The following ARID3A variants were observed in gnomAD, a reference collection of about 807,000 sequenced individuals.
The protein encoded by ARID3A is AT-rich interaction domain 3A.
In ARID3A, 11 loss-of-function variants were observed where a neutral mutation model predicts 52.7. That is an observed-to-expected ratio of 0.21 (90% CI 0.13 to 0.35). The LOEUF is 0.35. Ranked by LOEUF, ARID3A falls within the 10% of genes least tolerant of loss-of-function variation. The probability of loss-of-function intolerance (pLI) is 1.00; values close to 1 mark genes in which losing one functional copy is unlikely to be tolerated. For missense variants in ARID3A, 721 were observed against 838.5 expected (o/e 0.86, Z 1.73); for synonymous variants, 404 against 359.4 (o/e 1.12, Z -1.40).
At chr19:969,983 G>A (rs1206827645) in intron 8 of ARID3A, among the ~76,000 whole-genome samples, 6 of 151,654 alleles carry the variant, frequency 4.0e-5, no homozygotes, top group East Asian at 2.0e-4. Flanking sequence ...ATGAACCACC[G>A]CGCCCACCCT....
upstream of ARID3A, chr19:925,818 G>A (rs2037183393): frequency 6.6e-6 from 1 of 152,250 alleles, no homozygotes; most frequent in Middle Eastern, 3.4e-3. Context: ...CTGGTTGCGC[G>A]TCGTCAGACC....
intron 3 of ARID3A, among the ~76,000 whole-genome samples, chr19:937,901 G>T (rs936967776): frequency 3.3e-5 from 5 of 151,764 alleles, no homozygotes; most frequent in Non-Finnish European, 7.4e-5. Flanking sequence ...GTAGAGATGG[G>T]GTTTCACCGT....
At chr19:939,632 G>A (rs1398600508) in intron 3 of ARID3A, among the ~76,000 whole-genome samples, 4 of 152,074 alleles carry the variant, frequency 2.6e-5, no homozygotes, top group Admixed American at 6.6e-5. Context: ...GGTTCCTCCC[G>A]CCGCTGCCTT....
rs1423449312 is a variant in ARID3A, at chr19:974,874, G to T, written c.*2809G>T. The T allele has an allele frequency of 1.1e-5, 2 of 179,500 alleles. No homozygotes were observed. Among genetic ancestry groups the T allele is most frequent in the Admixed American group, 6.3e-5 (1 of 15,824 alleles). The allele number at this position is 179,500 out of a possible 1,614,324, so 11.1% of individuals were successfully genotyped here. On this transcript the variant is annotated 3_prime_UTR_variant, in exon 9 of 9. Coordinates refer to ENST00000263620, the MANE Select transcript of ARID3A (RefSeq NM_005224.3). Reference sequence around the variant, plus strand: ...GATTGTAGGGACAGGCGGGGTGGGTGGGGGGTGGGCGCGAGGCTGGGTCCC... The same window carrying T: ...GATTGTAGGGACAGGCGGGGTGGGTTGGGGGTGGGCGCGAGGCTGGGTCCC...
intron 3 of ARID3A, among the ~76,000 whole-genome samples, chr19:935,678 A>G (rs2037424478): frequency 6.6e-6 from 1 of 152,058 alleles, no homozygotes; most frequent in Non-Finnish European, 1.5e-5. Context: ...TATGTTGCCC[A>G]GGCTGGTCTA....
intron 4 of ARID3A, among the ~76,000 whole-genome samples, chr19:962,852 A>T (rs1423209791): frequency 6.6e-6 from 1 of 152,120 alleles, no homozygotes; most frequent in Non-Finnish European, 1.5e-5. Flanking sequence ...TCTGAGGCCT[A>T]AACTGGTGTC....
chr19:954,949 G>A (rs578142143), intron 3 of ARID3A, among the ~76,000 whole-genome samples: 70 of 152,240 alleles, frequency 4.6e-4, no homozygotes, highest in African/African-American at 1.6e-3. Flanking sequence ...CGCTTATCTC[G>A]GCCCTCAGCC....
intron 3 of ARID3A, 97 bp downstream of exon 3, chr19:932,839 G>C: frequency 6.7e-7 from 1 of 1,500,466 alleles, no homozygotes; most frequent in South Asian, 1.3e-5. Flanking sequence ...TGCTGAGCCG[G>C]GCGTCGAGTT....
chr19:926,432 G>C (rs1438176872), intron 1 of ARID3A, among the ~76,000 whole-genome samples: 1 of 151,446 alleles, frequency 6.6e-6, no homozygotes, highest in Admixed American at 6.6e-5. Context: ...AGGGGCGATC[G>C]GGGGTCGCGA....
rs979916116 is a variant in ARID3A, at chr19:960,937, G to A, written c.766+773G>A. Among the ~76,000 whole-genome samples, 8 of 152,134 alleles carry A rather than the reference G, an allele frequency of 5.3e-5. No individual in the cohort carries two copies. The highest frequency in any genetic ancestry group is 1.9e-4 in the African/African-American group (8 of 41,414). Reference sequence around the variant, plus strand: ...CCAAGGGTAGCCGGGGTGTCCCAGCGGCCATTCCCAGGCCCCACCCCAGCT... The same window carrying A: ...CCAAGGGTAGCCGGGGTGTCCCAGCAGCCATTCCCAGGCCCCACCCCAGCT... On this transcript the variant is annotated intron_variant, in intron 4 of 8. Transcript: ENST00000263620. The surrounding 1 kb of genome is among the most constrained non-coding windows in gnomAD (Gnocchi z 4.3).
rs554440908 is a variant in ARID3A, at chr19:941,168, C to T, written c.693+8426C>T. Among the ~76,000 whole-genome samples, 19 of 152,330 alleles carry T rather than the reference C, an allele frequency of 1.2e-4. No individual in the cohort carries two copies. Among genetic ancestry groups the T allele is most frequent in the African/African-American group, 3.6e-4 (15 of 41,584 alleles). On this transcript the variant is annotated intron_variant, in intron 3 of 8. Coordinates refer to ENST00000263620, the MANE Select transcript of ARID3A (RefSeq NM_005224.3). The surrounding 1 kb of genome is among the most constrained non-coding windows in gnomAD (Gnocchi z 6.9). ...TAACACACGCGGCAGCCCGAGGGAG[C>T]GGTGCCCGCAGGCAGAGAGTGTCCC...
Position 959,992 on chromosome 19 carries a change from C to T in ARID3A, c.694-100C>T. The T allele has an allele frequency of 9.4e-7, 1 of 1,060,990 alleles. No individual in the cohort carries two copies. Among genetic ancestry groups the T allele is most frequent in the Non-Finnish European group, 1.4e-6 (1 of 730,812 alleles). 65.7% of individuals were successfully genotyped at this position (1,060,990 alleles called of 1,614,324 possible). A position where few individuals can be genotyped will look rare whatever the true frequency, so the allele number is the denominator to read the frequency against. ...TTGAGGGTCCTAGGGGTGGTGACCC[C>T]TGCTCCTGTCCTCCTGACCTGGCCT... On this transcript the variant is annotated intron_variant, in intron 3 of 8. Coordinates refer to ENST00000263620, the MANE Select transcript of ARID3A (RefSeq NM_005224.3). This position sits in a 1 kb window ranked among gnomAD's most constrained non-coding sequence, Gnocchi z 5.0.
At chr19:931,931 G>A (rs1157271693) in intron 2 of ARID3A, among the ~76,000 whole-genome samples, 2 of 152,294 alleles carry the variant, frequency 1.3e-5, no homozygotes, top group East Asian at 3.9e-4. Flanking sequence ...CCCTGTGGAG[G>A]GAAGGGGAGG....
chr19:959,682 G>A lies in ARID3A; in HGVS notation c.694-410G>A, dbSNP rs1327077382. ...TTAAGGATCGATTTGAGATGAGGTG[G>A]CCCTAAAACCAGCAGGCTGGTGTCC... On this transcript the variant is annotated intron_variant, in intron 3 of 8. Transcript: ENST00000263620. This position sits in a 1 kb window ranked among gnomAD's most constrained non-coding sequence, Gnocchi z 5.0. Among the ~76,000 whole-genome samples the A allele has an allele frequency of 6.6e-6, 1 of 152,120 alleles. No homozygotes were observed. The highest frequency in any genetic ancestry group is 1.5e-5 in the Non-Finnish European group (1 of 68,016).
Position 929,380 on chromosome 19 carries a change from CTGCCACCCTGCACTG to C in ARID3A, c.-148_-134del. On this transcript the variant is annotated 5_prime_UTR_variant, in exon 2 of 9. Transcript: ENST00000263620. The surrounding 1 kb of genome is among the most constrained non-coding windows in gnomAD (Gnocchi z 6.2). ...GCCCGGCGGCCCCCGCCCCCGCCCC[CTGCCACCCTGCACTG>C]CCCCGGCTCCCCCGCGGCCCCCACG... The C allele has an allele frequency of 3.0e-6, 2 of 661,646 alleles. No homozygotes were observed. Among genetic ancestry groups the C allele is most frequent in the Non-Finnish European group, 4.0e-6 (2 of 504,988 alleles). The allele number at this position is 661,646 out of a possible 1,614,324, so 41.0% of individuals were successfully genotyped here.
chr19:926,960 C>T lies in ARID3A; in HGVS notation c.-268+901C>T, dbSNP rs181910635. Among the ~76,000 whole-genome samples, 473 of 151,298 alleles carry T rather than the reference C, an allele frequency of 3.1e-3. 7 individuals are homozygous for T. Among genetic ancestry groups the T allele is most frequent in the African/African-American group, 0.011 (443 of 40,954 alleles). ...CAGGGTTTCTGTCTTCTTATTTCTT[C>T]TCCTTCTTGAGTTTTTTTCTCACTT... On this transcript the variant is annotated intron_variant, in intron 1 of 8. Coordinates refer to ENST00000263620, the MANE Select transcript of ARID3A (RefSeq NM_005224.3).
At position 966,663 on chromosome 19, in the gene ARID3A, GCAAGCAGCAGCCGCCCAAGCA is replaced by G. The variant is rs1246625767; in HGVS notation, c.1291_1311del (p.Gln431_Ala437del). 45 of 1,609,958 alleles carry G rather than the reference GCAAGCAGCAGCCGCCCAAGCA, an allele frequency of 2.8e-5. No individual in the cohort carries two copies. Among genetic ancestry groups the G allele is most frequent in the East Asian group, 4.5e-5 (2 of 44,778 alleles). ...TGGTGGCAGCCCAGGCAGCAGCTGT[GCAAGCAGCAGCCGCCCAAGCA>G]GCTGTGGCCGCACAGGCAGCTGCCC... On this transcript the variant is annotated inframe_deletion, in exon 7 of 9. Coordinates refer to ENST00000263620, the MANE Select transcript of ARID3A (RefSeq NM_005224.3).
intron 8 of ARID3A, chr19:968,813 T>TAATTTTTA (rs949851303): frequency 3.7e-5 from 8 of 218,240 alleles, no homozygotes; most frequent in African/African-American, 1.8e-4. Context: ...CACACCTGGT[T>TAATTTTTA]AATTTTTAAA....
chr19:927,115 A>G (rs1278507083), intron 1 of ARID3A, among the ~76,000 whole-genome samples: 1 of 151,050 alleles, frequency 6.6e-6, no homozygotes, highest in Non-Finnish European at 1.5e-5. Context: ...GCCTTGCACA[A>G]CTCTTTAAAT....
Sources: allele counts gnomAD v4.1 joint callset (sites outside exome capture counted in the v4.1 genomes callset), GRCh38; gene constraint gnomAD v4.1.1; non-coding constraint Gnocchi (gnomAD v3.1); transcripts MANE v1.5; gene names NCBI Gene and HGNC (gene_info 2026-07-23, HGNC 2026-07-21).